Variants in SAFB2 observed in about 807,000 individuals in gnomAD.
SAFB2 encodes scaffold attachment factor B2.
Under a neutral mutation model 100.6 loss-of-function variants are expected in SAFB2, and 32 were observed. The observed-to-expected ratio is 0.32, with a 90% CI of 0.24 to 0.43. The LOEUF (loss-of-function observed/expected upper bound fraction) is 0.43. Among genes scored for constraint, SAFB2 ranks in the 20% least tolerant of loss-of-function variants. The pLI is 1.00. For synonymous variants in SAFB2, 500 were observed against 439.4 expected (o/e 1.14, Z -1.72); for missense variants, 1,185 against 1,163.4 (o/e 1.02, Z -0.27).
intron 2 of SAFB2, among the ~76,000 whole-genome samples, chr19:5,618,520 A>T (rs8109121): frequency 2.0e-5 from 3 of 152,218 alleles, no homozygotes; most frequent in Non-Finnish European, 4.4e-5. Flanking sequence ...ACGCCTAACA[A>T]CGCTAGCAGG....
chr19:5,600,104 C>A, intron 12 of SAFB2, 26 bp downstream of exon 12: 1 of 1,601,970 alleles, frequency 6.2e-7, no homozygotes, highest in Non-Finnish European at 8.5e-7. Flanking sequence ...CTTCCCCTTC[C>A]ACAGCTCTTA....
At chr19:5,617,015 A>G (rs1444137047) in intron 2 of SAFB2, among the ~76,000 whole-genome samples, 1 of 152,148 alleles carries the variant, frequency 6.6e-6, no homozygotes, top group Non-Finnish European at 1.5e-5. Flanking sequence ...TTAGATTCAG[A>G]GTACTCTGAT....
intron 12 of SAFB2, 55 bp downstream of exon 12, chr19:5,600,075 C>A (rs1298616471): frequency 5.7e-6 from 9 of 1,574,354 alleles, no homozygotes; most frequent in Non-Finnish European, 7.7e-6. Flanking sequence ...GGAACCCCCA[C>A]TCCCCACCCG....
At chr19:5,600,967 C>T (rs998010945) in intron 11 of SAFB2, among the ~76,000 whole-genome samples, 1 of 152,174 alleles carries the variant, frequency 6.6e-6, no homozygotes, top group Non-Finnish European at 1.5e-5. Context: ...ACACCAACGA[C>T]ATGCCAGGGT....
intron 12 of SAFB2, 69 bp downstream of exon 12, chr19:5,600,061 C>A (rs1208054809): frequency 4.6e-6 from 7 of 1,524,854 alleles, no homozygotes; most frequent in Non-Finnish European, 6.2e-6. Context: ...CCTCACCTTC[C>A]CTCGGAACCC....
rs561672518 is a variant in SAFB2 at position 5,590,259 on chromosome 19, C to T, written c.2525+19G>A. 6.4e-7 allele frequency: 1 copy of T among 1,562,976 alleles called. No homozygotes were observed. The highest frequency in any genetic ancestry group is 8.7e-7 in the Non-Finnish European group (1 of 1,154,142). On this transcript the variant is annotated intron_variant, in intron 18 of 20. Coordinates refer to ENST00000252542, the MANE Select transcript of SAFB2 (RefSeq NM_014649.3). ...GTTAGGACAGATGCTCCCCACCCGG[C>T]TGGGGCTCACCCACTAACCTGGGGG...
intron 1 of SAFB2, 96 bp from the exon 2 acceptor site, chr19:5,621,492 C>A: frequency 1.2e-6 from 1 of 857,422 alleles, no homozygotes; most frequent in Non-Finnish European, 2.0e-6. Context: ...AAAGGCAAAC[C>A]CGTCCTTGCA....
In SAFB2 at chr19:5,594,321, C is replaced by T. The variant is rs545860156; in HGVS notation, c.1920-143G>A. 21 of 975,814 alleles carry T rather than the reference C, an allele frequency of 2.2e-5. No individual in the cohort carries two copies. The Admixed American group carries it at 3.7e-4, about 17-fold the overall frequency. The allele number at this position is 975,814 out of a possible 1,614,324, so 60.4% of individuals were successfully genotyped here. A position where few individuals can be genotyped will look rare whatever the true frequency, so the allele number is the denominator to read the frequency against. On this transcript the variant is annotated intron_variant, in intron 14 of 20. Coordinates refer to ENST00000252542, the MANE Select transcript of SAFB2 (RefSeq NM_014649.3). ...CCGGGCTTCCCTAAAGCTGCGCGTG[C>T]AGGGGGTTACCTTACTTAACAAAGC...
Position 5,587,204 on chromosome 19 carries a change from A to G in SAFB2, c.*39T>C. On this transcript the variant is annotated 3_prime_UTR_variant, in exon 21 of 21. Transcript: ENST00000252542. The surrounding 1 kb of genome is among the most constrained non-coding windows in gnomAD (Gnocchi z 4.9). Reference sequence around the variant, plus strand: ...GGGAACCCTGGCTACCAGATTCAACAGTGCGTCTGCCCACCCGAAAACTCG... The same window carrying G: ...GGGAACCCTGGCTACCAGATTCAACGGTGCGTCTGCCCACCCGAAAACTCG... The G allele has an allele frequency of 6.2e-7, 1 of 1,600,404 alleles. No individual in the cohort carries two copies. The highest frequency in any genetic ancestry group is 1.7e-5 in the Admixed American group (1 of 59,752).
chr19:5,609,429 G>A (rs1365668160), intron 9 of SAFB2, among the ~76,000 whole-genome samples: 1 of 150,796 alleles, frequency 6.6e-6, no homozygotes, highest in Non-Finnish European at 1.5e-5. Flanking sequence ...TCAGCTTCCC[G>A]AGTAGCTGCG....
rs2052961530 is a variant in SAFB2, at chr19:5,613,732, T to C, written c.544-205A>G. On this transcript the variant is annotated intron_variant, in intron 4 of 20. Transcript: ENST00000252542. ...TCTGCTCCACCAGCGTCTCTGGCAG[T>C]GGCCTGCAGGTGGGTATGCCCTGTC... 1.6e-5 allele frequency: 16 copies of C among 985,332 alleles called. 1 individual carries two copies. In the South Asian group the frequency reaches 7.0e-4, roughly 43 times the overall value. 61.0% of individuals were successfully genotyped at this position (985,332 alleles called of 1,614,324 possible). A position where few individuals can be genotyped will look rare whatever the true frequency, so the allele number is the denominator to read the frequency against.
In SAFB2 at chr19:5,610,685, A is replaced by G; in HGVS notation, c.1149T>C (p.Ser383=). 6.5e-7 allele frequency: 1 copy of G among 1,549,542 alleles called. No homozygotes were observed. The highest frequency in any genetic ancestry group is 1.2e-5 in the South Asian group (1 of 86,286). The part of the protein sequence containing the change: ...TSEGADQKMS[S]FKEEKDIKPI... ...GCTTTATATCTTTTTCTTCCTTAAA[A>G]GAGCTAGAGACAAAAGTTAATGTTA... Residue 383 remains serine (S), a synonymous_variant, in exon 8 of 21, where the codon TCT becomes TCC. Coordinates refer to ENST00000252542, the MANE Select transcript of SAFB2 (RefSeq NM_014649.3).
chr19:5,613,768 G>C, intron 4 of SAFB2: 4 of 984,196 alleles, frequency 4.1e-6, no homozygotes, highest in Non-Finnish European at 4.8e-6. Flanking sequence ...TGTACTGGGT[G>C]AATGAACGAA....
chr19:5,604,725 G>C, intron 10 of SAFB2, 30 bp from the exon 11 acceptor site: 1 of 1,613,818 alleles, frequency 6.2e-7, no homozygotes, highest in South Asian at 1.1e-5. Flanking sequence ...AATGATGTGT[G>C]GCCCAGAGCT....
chr19:5,616,321 T>C lies in SAFB2; in HGVS notation c.354A>G (p.Ala118=). Residue 118 remains alanine, a synonymous_variant, in exon 4 of 21, where the codon GCA becomes GCG. Coordinates refer to ENST00000252542, the MANE Select transcript of SAFB2 (RefSeq NM_014649.3). Reference sequence around the variant, plus strand: ...CCATATTCTGCAGGTTCTCCAGACTTGCTTCCATGTCCTCCTGTAAAGAGG... The same window carrying C: ...CCATATTCTGCAGGTTCTCCAGACTCGCTTCCATGTCCTCCTGTAAAGAGG... ...DSRDGQEDME[A]SLENLQNMGM... 2 of 1,614,198 alleles carry C rather than the reference T, an allele frequency of 1.2e-6. No individual in the cohort carries two copies.
At chr19:5,620,504 A>T (rs764746418) in intron 2 of SAFB2, among the ~76,000 whole-genome samples, 39 of 152,252 alleles carry the variant, frequency 2.6e-4, no homozygotes, top group Non-Finnish European at 5.1e-4. Flanking sequence ...CATAAACAGG[A>T]ATGAAGTATC....
intron 17 of SAFB2, among the ~76,000 whole-genome samples, chr19:5,591,055 G>A (rs1040948293): frequency 4.8e-4 from 73 of 152,086 alleles, no homozygotes; most frequent in African/African-American, 1.7e-3. Flanking sequence ...GGGGAAGCCC[G>A]GGCTCCCCCA....
In SAFB2 at chr19:5,587,651, A is replaced by G. The variant is rs1402979268; in HGVS notation, c.2705+50T>C. ...ATCAAACATGCAAAAAAGGGAGAGGAAGTGAGGAGCAGGAGTGAACCACCG... is the reference window on the plus strand; with the variant it reads ...ATCAAACATGCAAAAAAGGGAGAGGGAGTGAGGAGCAGGAGTGAACCACCG... On this transcript the variant is annotated intron_variant, in intron 20 of 20. Coordinates refer to ENST00000252542, the MANE Select transcript of SAFB2 (RefSeq NM_014649.3). This position sits in a 1 kb window ranked among gnomAD's most constrained non-coding sequence, Gnocchi z 4.9. 1 of 1,504,288 alleles carries G rather than the reference A, an allele frequency of 6.6e-7. No homozygotes were observed. The allele number at this position is 1,504,288 out of a possible 1,614,324, so 93.2% of individuals were successfully genotyped here.
intron 11 of SAFB2, among the ~76,000 whole-genome samples, chr19:5,601,440 G>A (rs1048301558): frequency 1.3e-5 from 2 of 152,154 alleles, no homozygotes; most frequent in African/African-American, 2.4e-5. Context: ...GCTGGTCGCG[G>A]TGGCTCATGC....
Sources: gnomAD v4.1 joint callset for allele counts (sites outside exome capture counted in the v4.1 genomes callset) on GRCh38, gnomAD v4.1.1 for gene constraint, Gnocchi (gnomAD v3.1) non-coding constraint, MANE v1.5 for transcripts, NCBI Gene and HGNC (gene_info 2026-07-23, HGNC 2026-07-21) for gene names.